VAV3: variants seen among roughly 807,000 people sequenced by gnomAD.
VAV3 encodes the protein guanine nucleotide exchange factor VAV3.
A neutral mutation model predicts 131.2 loss-of-function variants in VAV3; 94 were observed. The observed-to-expected ratio is 0.72, with a 90% confidence interval of 0.61 to 0.85. The LOEUF (loss-of-function observed/expected upper bound fraction) is 0.85. Among genes scored for constraint, VAV3 ranks in the 40% least tolerant of loss-of-function variants. The pLI is 0.00. For synonymous variants in VAV3, 349 were observed against 342.0 expected, an observed-to-expected ratio of 1.02 and a Z score of -0.22; for missense variants, 939 against 1,002.7, an observed-to-expected ratio of 0.94 and a Z score of 0.86.
intron 20 of VAV3, among the ~76,000 whole-genome samples, chr1:107,627,080 A>ATTTC (rs1263560516): frequency 6.6e-6 from 1 of 152,194 alleles, no homozygotes; most frequent in East Asian, 1.9e-4. Flanking sequence ...CTGGAGGGAA[A>ATTTC]GATCTACTAA....
intron 2 of VAV3, among the ~76,000 whole-genome samples, chr1:107,833,899 T>C (rs1217348654): frequency 1.3e-5 from 2 of 152,242 alleles, no homozygotes; most frequent in East Asian, 1.9e-4. Flanking sequence ...GCACTAGCCA[T>C]GGCAATGCTT....
At chr1:107,718,860 T>G (rs1217398753) in intron 15 of VAV3, among the ~76,000 whole-genome samples, 1 of 152,018 alleles carries the variant, frequency 6.6e-6, no homozygotes, top group Non-Finnish European at 1.5e-5. Context: ...AAAACAGAGA[T>G]ATAGACCAAT....
intron 19 of VAV3, among the ~76,000 whole-genome samples, chr1:107,644,205 A>G (rs929094032): frequency 2.6e-5 from 4 of 152,140 alleles, no homozygotes; most frequent in African/African-American, 9.6e-5. Context: ...TTTATTTTAC[A>G]TATTCTATTA....
intron 9 of VAV3, among the ~76,000 whole-genome samples, chr1:107,763,248 C>T (rs575309896): frequency 7.7e-4 from 117 of 152,226 alleles, no homozygotes; most frequent in Middle Eastern, 6.8e-3. Context: ...GGCACCTCAC[C>T]CTGTGCCTTT....
At chr1:107,659,290 G>C (rs1461574163) in intron 19 of VAV3, among the ~76,000 whole-genome samples, 1 of 151,762 alleles carries the variant, frequency 6.6e-6, no homozygotes, top group Non-Finnish European at 1.5e-5. Context: ...AAAAAAAAAA[G>C]TATAAAAGGC....
rs142223866 is a variant in VAV3, at chr1:107,843,732, T to A, written c.321+31169A>T. On this transcript the variant is annotated intron_variant, in intron 2 of 26. Coordinates refer to ENST00000370056, the MANE Select transcript of VAV3 (RefSeq NM_006113.5). ...TCACCCTCTCCCCCCATGGGGTTAT[T>A]CCAGACTGATAAAATCAGACACGGA... is the stretch of plus-strand genomic sequence containing the variant. Among the ~76,000 whole-genome samples the A allele has an allele frequency of 7.5e-3, 1,136 of 152,150 alleles. 13 individuals carry two copies. The highest frequency in any genetic ancestry group is 0.017 in the African/African-American group (689 of 41,512).
chr1:107,772,690 T>G (rs768424870), intron 5 of VAV3, 45 bp downstream of exon 5: 2 of 1,504,758 alleles, frequency 1.3e-6, no homozygotes, highest in East Asian at 4.5e-5. Flanking sequence ...TAGCCTTTCC[T>G]AATAAAATAT....
In VAV3 at chr1:107,675,443, G is replaced by A. The variant is rs182503896; in HGVS notation, c.1777+8045C>T. ...AGGCAGGACACAAATCCAGATCTGT[G>A]CCACTGTAGAACCCTCAGTCTATAC... On this transcript the variant is annotated intron_variant, in intron 19 of 26. Transcript: ENST00000370056. 1.8e-3 allele frequency among the ~76,000 whole-genome samples: 277 copies of A among 152,248 alleles called. 3 individuals carry two copies. The highest frequency in any genetic ancestry group is 6.5e-3 in the African/African-American group (270 of 41,546).
intron 2 of VAV3, among the ~76,000 whole-genome samples, chr1:107,786,272 T>C (rs189000349): frequency 2.0e-5 from 3 of 152,338 alleles, no homozygotes; most frequent in Admixed American, 1.3e-4. Context: ...ATACTTACTA[T>C]TTTTTGAATC....
chr1:107,952,094 G>A (rs1674563663), intron 1 of VAV3, among the ~76,000 whole-genome samples: 1 of 152,142 alleles, frequency 6.6e-6, no homozygotes, highest in Non-Finnish European at 1.5e-5. Context: ...TGATAGACTG[G>A]ATACAGAAAA....
chr1:107,926,744 AT>A (rs1485757082), intron 1 of VAV3, among the ~76,000 whole-genome samples: 1 of 152,188 alleles, frequency 6.6e-6, no homozygotes, highest in Non-Finnish European at 1.5e-5. Context: ...TGAAGGGAGT[AT>A]TTAAACCAGC....
chr1:107,808,813 C>G (rs1170510226), intron 2 of VAV3, among the ~76,000 whole-genome samples: 1 of 151,970 alleles, frequency 6.6e-6, no homozygotes, highest in Non-Finnish European at 1.5e-5. Context: ...AGTTTTTTTC[C>G]AACTGTTAAC....
intron 1 of VAV3, among the ~76,000 whole-genome samples, chr1:107,941,495 T>C (rs17020437): frequency 0.034 from 5,107 of 152,280 alleles, 120 homozygotes; most frequent in South Asian, 0.13. Context: ...TCCAGAACCA[T>C]TTCCGAGGCC....
intron 15 of VAV3, among the ~76,000 whole-genome samples, chr1:107,716,827 T>C (rs1457576883): frequency 6.6e-6 from 1 of 152,212 alleles, no homozygotes; most frequent in Non-Finnish European, 1.5e-5. Context: ...CAGCTCTTCC[T>C]TGTACCTCTG....
At chr1:107,618,402 T>G (rs113681891) in intron 20 of VAV3, among the ~76,000 whole-genome samples, 4 of 152,192 alleles carry the variant, frequency 2.6e-5, no homozygotes, top group African/African-American at 9.6e-5. Flanking sequence ...GATGTGAAAA[T>G]AGAAAACAGT....
Position 107,964,898 on chromosome 1 carries a change from C to A in VAV3, c.-29G>T, listed in dbSNP as rs1302740986. 3 of 1,353,768 alleles carry A rather than the reference C, an allele frequency of 2.2e-6. No individual in the cohort carries two copies. The highest frequency in any genetic ancestry group is 3.0e-5 in the African/African-American group (2 of 66,526). 83.9% of individuals were successfully genotyped at this position (1,353,768 alleles called of 1,614,324 possible). A position where few individuals can be genotyped will look rare whatever the true frequency, so the allele number is the denominator to read the frequency against. On this transcript the variant is annotated 5_prime_UTR_variant, in exon 1 of 27. Transcript: ENST00000370056. Reference sequence around the variant, plus strand: ...CGACGGCTCCGGGACGCGGCTGGGCCGGGGCGGGCGGCAAGGATGCGGCCG... The same window carrying A: ...CGACGGCTCCGGGACGCGGCTGGGCAGGGGCGGGCGGCAAGGATGCGGCCG...
At chr1:107,935,363 T>C (rs183201461) in intron 1 of VAV3, among the ~76,000 whole-genome samples, 246 of 152,234 alleles carry the variant, frequency 1.6e-3, no homozygotes, top group Non-Finnish European at 2.7e-3. Flanking sequence ...AGTGATAAGG[T>C]ATATCAAAGA....
intron 2 of VAV3, among the ~76,000 whole-genome samples, chr1:107,866,433 A>C (rs1417467991): frequency 6.6e-6 from 1 of 152,122 alleles, no homozygotes. Flanking sequence ...AAACGATTCA[A>C]AACTGATGGC....
At chr1:107,951,181 T>A (rs345275) in intron 1 of VAV3, among the ~76,000 whole-genome samples, 118,418 of 152,096 alleles carry the variant, frequency 0.78, 49,675 homozygotes, top group Non-Finnish European at 0.92. Flanking sequence ...TCATCTCACA[T>A]AACTCTCTCT....
Sources: allele counts gnomAD v4.1 joint callset (sites outside exome capture counted in the v4.1 genomes callset), GRCh38; gene constraint gnomAD v4.1.1; transcripts MANE v1.5; gene names NCBI Gene and HGNC (gene_info 2026-07-23, HGNC 2026-07-21).